The following RIC8B variants were observed in gnomAD, a reference collection of about 807,000 sequenced individuals.
RIC8B encodes chaperone Ric-8B.
A neutral mutation model predicts 57.5 loss-of-function variants in RIC8B; 16 were observed. That is an observed-to-expected ratio of 0.28 (90% CI 0.19 to 0.42). The LOEUF is 0.42. RIC8B is among the 10% of genes least tolerant of loss of function. The pLI, the probability that RIC8B is intolerant of heterozygous loss-of-function variation, is 1.00. For missense variants in RIC8B, 481 were observed against 677.0 expected (o/e 0.71, Z 3.21); for synonymous variants, 216 against 250.8 (o/e 0.86, Z 1.31).
intron 2 of RIC8B, among the ~76,000 whole-genome samples, chr12:106,801,874 T>C (rs963969833): frequency 2.6e-5 from 4 of 152,270 alleles, no homozygotes; most frequent in Admixed American, 2.0e-4. Flanking sequence ...TAGAATTTAA[T>C]ACAACCCTCA....
chr12:106,814,897 C>A lies in RIC8B; in HGVS notation c.334C>A (p.Pro112Thr), dbSNP rs776505240. Residue 112 changes from proline to threonine, a missense_variant, in exon 3 of 10, where the codon CCA becomes ACA. Around this residue, in one of 3 missense-constraint regions of RIC8B, gnomAD observed 421 missense variants for 560.9 expected, o/e 0.75. Coordinates refer to ENST00000392837, the MANE Select transcript of RIC8B (RefSeq NM_001330145.2). ...DDSLEKVSEF[P>T]VIVESLKCLC... ...TTCTTTGGAGAAAGTATCAGAGTTC[C>A]CAGTTATTGTGGAGTCATTAAAATG... 6.2e-7 allele frequency: 1 copy of A among 1,614,128 alleles called. No individual in the cohort carries two copies. Among genetic ancestry groups the A allele is most frequent in the Non-Finnish European group, 8.5e-7 (1 of 1,180,002 alleles).
intron 6 of RIC8B, among the ~76,000 whole-genome samples, chr12:106,848,775 G>A (rs183176738): frequency 1.3e-5 from 2 of 152,244 alleles, no homozygotes; most frequent in Admixed American, 6.5e-5. Flanking sequence ...CTTAGGACCC[G>A]CTAAATTTAA....
chr12:106,793,926 G>A (rs2044363815), intron 2 of RIC8B, among the ~76,000 whole-genome samples: 1 of 147,086 alleles, frequency 6.8e-6, no homozygotes, highest in South Asian at 2.3e-4. Context: ...TTCCATGGGC[G>A]GGGTGGGGGT....
At chr12:106,872,425 T>C (rs1169233646) in intron 9 of RIC8B, among the ~76,000 whole-genome samples, 1 of 152,030 alleles carries the variant, frequency 6.6e-6, no homozygotes. Context: ...TCCCAGCACA[T>C]TGGGAGGCTG....
At chr12:106,815,331 T>C in intron 3 of RIC8B, 27 bp downstream of exon 3, 2 of 1,560,934 alleles carry the variant, frequency 1.3e-6, no homozygotes, top group Non-Finnish European at 1.7e-6. Flanking sequence ...TATTTTTGTC[T>C]ACCTGGAATT....
intron 8 of RIC8B, among the ~76,000 whole-genome samples, chr12:106,866,859 A>G (rs1269825217): frequency 6.6e-6 from 1 of 152,160 alleles, no homozygotes; most frequent in African/African-American, 2.4e-5. Flanking sequence ...AGTTCTGGTT[A>G]CATAGGGCCT....
At chr12:106,806,561 A>G (rs1382671293) in intron 2 of RIC8B, among the ~76,000 whole-genome samples, 2 of 152,110 alleles carry the variant, frequency 1.3e-5, no homozygotes, top group African/African-American at 2.4e-5. Flanking sequence ...TGCCGGCGCA[A>G]TGGCTCACGC....
At position 106,867,142 on chromosome 12, in the gene RIC8B, A is replaced by G. The variant is rs577516771; in HGVS notation, c.1452-3681A>G. Among the ~76,000 whole-genome samples, 1 of 152,342 alleles carries G rather than the reference A, an allele frequency of 6.6e-6. No homozygotes were observed. Among genetic ancestry groups the G allele is most frequent in the East Asian group, 1.9e-4 (1 of 5,194 alleles). On this transcript the variant is annotated intron_variant, in intron 8 of 9. Coordinates refer to ENST00000392837, the MANE Select transcript of RIC8B (RefSeq NM_001330145.2). This position sits in a 1 kb window ranked among gnomAD's most constrained non-coding sequence, Gnocchi z 4.3. Reference sequence around the variant, plus strand: ...AGTACTGTTGATGTTGGCCAAAGGTAGCAAAAATTTGAAGAAAGAGCAAAA... The same window carrying G: ...AGTACTGTTGATGTTGGCCAAAGGTGGCAAAAATTTGAAGAAAGAGCAAAA...
In RIC8B at chr12:106,886,215, T is replaced by C. The variant is rs1951178894; in HGVS notation, c.*200T>C. ...TGAGGCATTCATACAGAGCTGCAGT[T>C]AGACGGGGTTACGGGGGCTAAAAGC... is the stretch of plus-strand genomic sequence containing the variant. On this transcript the variant is annotated 3_prime_UTR_variant, in exon 10 of 10. Coordinates refer to ENST00000392837, the MANE Select transcript of RIC8B (RefSeq NM_001330145.2). 1 of 502,170 alleles carries C rather than the reference T, an allele frequency of 2.0e-6. No homozygotes were observed. The highest frequency in any genetic ancestry group is 2.0e-5 in the African/African-American group (1 of 51,112). 31.1% of individuals were successfully genotyped at this position (502,170 alleles called of 1,614,324 possible).
intron 7 of RIC8B, among the ~76,000 whole-genome samples, chr12:106,853,087 G>C (rs986498677): frequency 6.6e-6 from 1 of 151,980 alleles, no homozygotes; most frequent in African/African-American, 2.4e-5. Flanking sequence ...TTAGTTGTCT[G>C]TATAATTTTT....
At chr12:106,856,133 G>A (rs1017924519) in intron 7 of RIC8B, among the ~76,000 whole-genome samples, 2 of 151,936 alleles carry the variant, frequency 1.3e-5, no homozygotes, top group African/African-American at 4.8e-5. Flanking sequence ...CCCCCATTCT[G>A]TTCCCACACC....
Position 106,888,460 on chromosome 12 carries a change from C to G in RIC8B, c.*2445C>G, listed in dbSNP as rs1951272296. 1 of 152,688 alleles carries G rather than the reference C, an allele frequency of 6.5e-6. No homozygotes were observed. The highest frequency in any genetic ancestry group is 2.4e-5 in the African/African-American group (1 of 41,446). The allele number at this position is 152,688 out of a possible 1,614,324, so 9.5% of individuals were successfully genotyped here. A position where few individuals can be genotyped will look rare whatever the true frequency, so the allele number is the denominator to read the frequency against. ...AGCTTATGAAAGTTACCCCACGTCA[C>G]AGCAAGGAAGAGTCCAACTCTGGTG... On this transcript the variant is annotated 3_prime_UTR_variant, in exon 10 of 10. Coordinates refer to ENST00000392837, the MANE Select transcript of RIC8B (RefSeq NM_001330145.2).
chr12:106,797,505 C>A (rs968150196), intron 2 of RIC8B, among the ~76,000 whole-genome samples: 5 of 152,118 alleles, frequency 3.3e-5, no homozygotes, highest in African/African-American at 1.2e-4. Flanking sequence ...AGAGGGGAAT[C>A]AGGAGTTACT....
intron 3 of RIC8B, among the ~76,000 whole-genome samples, chr12:106,815,526 T>G (rs943815527): frequency 1.3e-5 from 2 of 152,260 alleles, no homozygotes; most frequent in Admixed American, 6.5e-5. Flanking sequence ...AATGGACTAC[T>G]ATTTTGTAAG....
intron 3 of RIC8B, among the ~76,000 whole-genome samples, chr12:106,823,739 C>T (rs1304640987): frequency 5.3e-5 from 8 of 149,786 alleles, no homozygotes; most frequent in African/African-American, 2.0e-4. Context: ...GGCTGGAATG[C>T]AATGGCATGA....
chr12:106,878,148 C>T (rs569633456), intron 9 of RIC8B, among the ~76,000 whole-genome samples: 1 of 152,234 alleles, frequency 6.6e-6, no homozygotes, highest in African/African-American at 2.4e-5. Context: ...GAAAAGCTAC[C>T]ATACCACTCA....
In RIC8B at chr12:106,886,285, T is replaced by C. The variant is rs542351282; in HGVS notation, c.*270T>C. The C allele has an allele frequency of 2.9e-6, 1 of 345,918 alleles. No homozygotes were observed. Among genetic ancestry groups the C allele is most frequent in the African/African-American group, 2.1e-5 (1 of 47,416 alleles). The allele number at this position is 345,918 out of a possible 1,614,324, so 21.4% of individuals were successfully genotyped here. On this transcript the variant is annotated 3_prime_UTR_variant, in exon 10 of 10. Coordinates refer to ENST00000392837, the MANE Select transcript of RIC8B (RefSeq NM_001330145.2). ...ATCGGGATGGAACTGAAGGATTTTATTCTATAAAGCGGCCCTGGTTGAATC... is the reference window on the plus strand; with the variant it reads ...ATCGGGATGGAACTGAAGGATTTTACTCTATAAAGCGGCCCTGGTTGAATC...
intron 4 of RIC8B, among the ~76,000 whole-genome samples, chr12:106,833,016 T>A (rs997942935): frequency 6.6e-6 from 1 of 152,126 alleles, no homozygotes; most frequent in African/African-American, 2.4e-5. Context: ...AAAAAAAATC[T>A]TTTATCGGAT....
chr12:106,880,838 G>C (rs776520237), intron 9 of RIC8B, among the ~76,000 whole-genome samples: 2 of 151,788 alleles, frequency 1.3e-5, no homozygotes, highest in Non-Finnish European at 2.9e-5. Flanking sequence ...GTCTAGTACA[G>C]AACAAGAAAT....
Sources: gnomAD v4.1 joint callset for allele counts (sites outside exome capture counted in the v4.1 genomes callset) on GRCh38, gnomAD v4.1.1 for gene constraint, gnomAD v4.1.1 regional missense constraint, Gnocchi (gnomAD v3.1) non-coding constraint, MANE v1.5 for transcripts, NCBI Gene and HGNC (gene_info 2026-07-23, HGNC 2026-07-21) for gene names.